The following ENKUR variants were observed in gnomAD, a reference collection of about 807,000 sequenced individuals.
ENKUR encodes enkurin, TRPC channel interacting protein.
ENKUR carries 19 observed loss-of-function variants against 27.6 expected under a neutral mutation model. That is an observed-to-expected ratio of 0.69 (90% CI 0.48 to 1.01). The LOEUF is 1.01. Ranked by LOEUF, ENKUR falls within the 50% of genes least tolerant of loss-of-function variation. The probability of loss-of-function intolerance (pLI) is 0.00; values close to 1 mark genes in which losing one functional copy is unlikely to be tolerated. For synonymous variants in ENKUR, 117 were observed against 96.9 expected, an observed-to-expected ratio of 1.21 and a Z score of -1.22; for missense variants, 312 against 310.5, an observed-to-expected ratio of 1.00 and a Z score of -0.04.
chr10:25,055,545 C>CAAAA (rs142864120), intron 2 of ENKUR, among the ~76,000 whole-genome samples: 1 of 94,344 alleles, frequency 1.1e-5, no homozygotes, highest in Non-Finnish European at 2.1e-5. Flanking sequence ...AACAAATTGG[C>CAAAA]AAAAAAAAAA....
At chr10:25,007,975 A>G (rs1850353633) in intron 1 of ENKUR, among the ~76,000 whole-genome samples, 1 of 148,302 alleles carries the variant, frequency 6.7e-6, no homozygotes, top group Non-Finnish European at 1.5e-5. Context: ...GTGATATATT[A>G]TATATATGTA....
At chr10:25,027,017 A>T (rs1588677588) in intron 2 of ENKUR, among the ~76,000 whole-genome samples, 1 of 152,152 alleles carries the variant, frequency 6.6e-6, no homozygotes, top group Admixed American at 6.5e-5. Context: ...ATTTCAGTAG[A>T]TGATATATTT....
intron 2 of ENKUR, among the ~76,000 whole-genome samples, chr10:25,049,299 G>C (rs141664730): frequency 0.013 from 1,924 of 152,212 alleles, 27 homozygotes; most frequent in Middle Eastern, 0.071. Context: ...CACTTTGCTA[G>C]GTACTGGGGA....
At chr10:24,988,234 G>GTATA (rs1012216914) in intron 4 of ENKUR, among the ~76,000 whole-genome samples, 9 of 133,998 alleles carry the variant, frequency 6.7e-5, no homozygotes, top group East Asian at 4.1e-4. Context: ...AAAAAAAAAT[G>GTATA]TATATATATA....
At chr10:24,993,986 A>G (rs575725931) in intron 3 of ENKUR, among the ~76,000 whole-genome samples, 6 of 152,282 alleles carry the variant, frequency 3.9e-5, no homozygotes, top group African/African-American at 9.6e-5. Context: ...GACAACGACT[A>G]TAAAACAGTT....
intron 2 of ENKUR, among the ~76,000 whole-genome samples, chr10:25,029,540 G>A (rs530561926): frequency 3.6e-5 from 5 of 138,664 alleles, no homozygotes; most frequent in South Asian, 2.6e-4. Flanking sequence ...TTCAGACTAC[G>A]TAATGTTAGT....
chr10:25,003,181 A>T (rs6482466), intron 1 of ENKUR, among the ~76,000 whole-genome samples: 83,654 of 146,796 alleles, frequency 0.57, 25,124 homozygotes, highest in East Asian at 0.89. Flanking sequence ...TTAATTAATT[A>T]ATTTATTTAT....
intron 1 of ENKUR, among the ~76,000 whole-genome samples, chr10:25,009,685 G>T (rs1054778522): frequency 5.9e-5 from 9 of 152,154 alleles, no homozygotes; most frequent in African/African-American, 2.2e-4. Context: ...CCTATATATT[G>T]TGGGAGGGAC....
At chr10:25,024,278 A>G (rs1850793243) in intron 2 of ENKUR, 2 of 1,614,004 alleles carry the variant, frequency 1.2e-6, no homozygotes, top group African/African-American at 1.3e-5. Flanking sequence ...TCATTTAAAG[A>G]TTTGTCTTTA....
chr10:25,033,390 G>C (rs2367506), intron 2 of ENKUR, among the ~76,000 whole-genome samples: 34,654 of 122,624 alleles, frequency 0.28, 5,188 homozygotes, highest in East Asian at 0.52. Flanking sequence ...GGTGACAGAG[G>C]AAGACCTCGT....
chr10:25,012,699 G>C (rs911528164), intron 1 of ENKUR, among the ~76,000 whole-genome samples: 1 of 152,218 alleles, frequency 6.6e-6, no homozygotes. Context: ...TATCTGGGAA[G>C]TACCTAACTT....
At chr10:25,014,109 T>C (rs193078517) in intron 1 of ENKUR, among the ~76,000 whole-genome samples, 2 of 152,296 alleles carry the variant, frequency 1.3e-5, no homozygotes, top group Admixed American at 1.3e-4. Flanking sequence ...TGCAGAAAAG[T>C]GCCTTTCATC....
At chr10:25,007,168 A>C (rs1209259200) in intron 1 of ENKUR, among the ~76,000 whole-genome samples, 1 of 152,126 alleles carries the variant, frequency 6.6e-6, no homozygotes, top group Non-Finnish European at 1.5e-5. Context: ...TATTTCCCTG[A>C]TCTGTAAAAA....
chr10:25,052,506 A>G (rs900838360), intron 2 of ENKUR, among the ~76,000 whole-genome samples: 25 of 152,220 alleles, frequency 1.6e-4, no homozygotes, highest in African/African-American at 5.8e-4. Context: ...GGCGGGGCTC[A>G]GTGGCTCATG....
At chr10:24,998,067 C>G (rs1214675937) in intron 2 of ENKUR, among the ~76,000 whole-genome samples, 1 of 152,146 alleles carries the variant, frequency 6.6e-6, no homozygotes, top group Non-Finnish European at 1.5e-5. Context: ...CTTCTTCCAT[C>G]TTGCCATCTT....
intron 2 of ENKUR, among the ~76,000 whole-genome samples, chr10:25,059,866 G>A (rs1209215392): frequency 1.3e-5 from 2 of 152,126 alleles, no homozygotes; most frequent in Non-Finnish European, 2.9e-5. Flanking sequence ...TTTTAGTGGG[G>A]ATGGAAGGAG....
intron 2 of ENKUR, among the ~76,000 whole-genome samples, chr10:25,043,690 C>A (rs1347412734): frequency 6.6e-6 from 1 of 152,012 alleles, no homozygotes; most frequent in Admixed American, 6.6e-5. Context: ...CTTTTCGATT[C>A]TCTTCTGTTC....
intron 2 of ENKUR, among the ~76,000 whole-genome samples, chr10:25,046,360 A>G (rs936672039): frequency 4.6e-5 from 7 of 152,228 alleles, no homozygotes; most frequent in Non-Finnish European, 1.0e-4. Context: ...CATTATGTCA[A>G]TCATCAGAAC....
At chr10:24,999,236 T>A (rs1384423126) in intron 2 of ENKUR, among the ~76,000 whole-genome samples, 165 bp downstream of exon 2, 1 of 152,238 alleles carries the variant, frequency 6.6e-6, no homozygotes, top group Non-Finnish European at 1.5e-5. Context: ...TCCATTCTAT[T>A]TTTCTACCCA....
Sources: allele counts gnomAD v4.1 joint callset (sites outside exome capture counted in the v4.1 genomes callset), GRCh38; gene constraint gnomAD v4.1.1; transcripts MANE v1.5; gene names NCBI Gene and HGNC (gene_info 2026-07-23, HGNC 2026-07-21).